The following LPAR1 variants were observed in gnomAD, a reference collection of about 807,000 sequenced individuals.
LPAR1 encodes lysophosphatidic acid receptor 1, also known as LPA receptor 1.
LPAR1 carries 5 observed loss-of-function variants against 23.8 expected under a neutral mutation model. The ratio of observed to expected loss-of-function variants is 0.21; its 90% confidence interval spans 0.11 to 0.44. The LOEUF (loss-of-function observed/expected upper bound fraction) is 0.44, where lower values mean the gene tolerates loss of function less well. LPAR1 is among the 20% of genes least tolerant of loss of function. The probability of loss-of-function intolerance (pLI) is 0.99; values close to 1 mark genes in which losing one functional copy is unlikely to be tolerated. For missense variants in LPAR1, 311 were observed against 482.8 expected (o/e 0.64, Z 3.33); for synonymous variants, 160 against 164.7 (o/e 0.97, Z 0.22).
chr9:110,968,160 T>C (rs777774626), intron 4 of LPAR1, among the ~76,000 whole-genome samples: 2 of 152,224 alleles, frequency 1.3e-5, no homozygotes, highest in Non-Finnish European at 2.9e-5. Flanking sequence ...AATTCATTAA[T>C]ACGGTTTGAA....
At chr9:111,019,435 C>T (rs2097519180) in intron 2 of LPAR1, among the ~76,000 whole-genome samples, 1 of 152,128 alleles carries the variant, frequency 6.6e-6, no homozygotes, top group African/African-American at 2.4e-5. Flanking sequence ...CTGAGTCATT[C>T]TGCCACTAAA....
chr9:111,026,503 A>T (rs1463035485), intron 2 of LPAR1, among the ~76,000 whole-genome samples: 2 of 152,114 alleles, frequency 1.3e-5, no homozygotes, highest in Non-Finnish European at 2.9e-5. Context: ...CTCTTCCTGT[A>T]TGAATATCCT....
chr9:110,906,624 TTA>T (rs2091294238), intron 5 of LPAR1, among the ~76,000 whole-genome samples: 1 of 152,180 alleles, frequency 6.6e-6, no homozygotes, highest in Admixed American at 6.5e-5. Flanking sequence ...GGTTTGACTC[TTA>T]CACTTAGGGA....
upstream of LPAR1, chr9:111,038,832 G>T (rs1417556312): frequency 2.5e-5 from 8 of 320,334 alleles, no homozygotes; most frequent in Admixed American, 2.1e-4. The surrounding 1 kb of genome is among the most constrained non-coding windows in gnomAD (Gnocchi z 4.4). Context: ...ACCCGTGGCC[G>T]CCAGCTCGGG....
intron 2 of LPAR1, among the ~76,000 whole-genome samples, chr9:111,026,044 GT>G (rs1460034624): frequency 6.6e-6 from 1 of 152,142 alleles, no homozygotes; most frequent in Admixed American, 6.5e-5. Flanking sequence ...ATTTGAAGTA[GT>G]TTTTTCTAAT....
At chr9:110,950,463 T>TAAA (rs56274036) in intron 4 of LPAR1, among the ~76,000 whole-genome samples, 3 of 122,026 alleles carry the variant, frequency 2.5e-5, no homozygotes, top group Non-Finnish European at 3.5e-5. Flanking sequence ...AGACTCTGTC[T>TAAA]AAAAAAAAAA....
chr9:110,898,400 A>G (rs1386260109), intron 5 of LPAR1, among the ~76,000 whole-genome samples: 3 of 152,218 alleles, frequency 2.0e-5, no homozygotes, highest in Non-Finnish European at 4.4e-5. Flanking sequence ...AGAAACATGA[A>G]TTTAAATCTA....
chr9:110,944,296 C>T (rs977054890), intron 4 of LPAR1, among the ~76,000 whole-genome samples: 6 of 152,150 alleles, frequency 3.9e-5, no homozygotes, highest in East Asian at 1.9e-4. Context: ...ACCCTATAAA[C>T]GCAGAGATTC....
chr9:110,968,474 A>C (rs1249129970), intron 4 of LPAR1, among the ~76,000 whole-genome samples: 3 of 152,148 alleles, frequency 2.0e-5, no homozygotes, highest in Non-Finnish European at 4.4e-5. Context: ...GGGACACTTG[A>C]CATTCACCTA....
chr9:110,989,304 C>T (rs1375679458), intron 2 of LPAR1, among the ~76,000 whole-genome samples: 1 of 152,160 alleles, frequency 6.6e-6, no homozygotes, highest in East Asian at 1.9e-4. Flanking sequence ...CTGTCTCTGC[C>T]TCCTGAATAG....
intron 2 of LPAR1, among the ~76,000 whole-genome samples, chr9:111,015,483 T>A (rs1359075003): frequency 6.6e-6 from 1 of 152,090 alleles, no homozygotes; most frequent in Admixed American, 6.6e-5. Context: ...ATAGGTAGAA[T>A]CTTAAAAAGT....
chr9:110,979,174 T>TAC (rs1166293095), intron 2 of LPAR1, among the ~76,000 whole-genome samples: 2 of 152,038 alleles, frequency 1.3e-5, no homozygotes, highest in Admixed American at 6.6e-5. Flanking sequence ...AATATATATA[T>TAC]ACTCAAAACA....
chr9:111,017,152 C>T (rs1003486116), intron 2 of LPAR1, among the ~76,000 whole-genome samples: 12 of 152,104 alleles, frequency 7.9e-5, no homozygotes, highest in South Asian at 6.2e-4. Flanking sequence ...CAGCAAAATG[C>T]GTGGCCCTTT....
chr9:111,005,546 C>CAAAAAAAAAAAAAAAA (rs60143050), intron 2 of LPAR1, among the ~76,000 whole-genome samples: 1 of 70,340 alleles, frequency 1.4e-5, no homozygotes, highest in African/African-American at 7.4e-5. Context: ...GACCCTGTCT[C>CAAAAAAAAAAAAAAAA]AAAAAAAAAA....
chr9:111,007,527 T>C (rs190795163), intron 2 of LPAR1, among the ~76,000 whole-genome samples: 59 of 152,252 alleles, frequency 3.9e-4, no homozygotes, highest in Non-Finnish European at 5.9e-4. Flanking sequence ...AAGAAAAAAT[T>C]GTGCCTAACT....
intron 5 of LPAR1, among the ~76,000 whole-genome samples, chr9:110,910,417 CT>C (rs1472391947): frequency 1.3e-5 from 2 of 152,308 alleles, no homozygotes; most frequent in African/African-American, 4.8e-5. Context: ...CAAAATATTA[CT>C]GCTCATTGAC....
intron 5 of LPAR1, among the ~76,000 whole-genome samples, chr9:110,888,999 G>A (rs546087645): frequency 2.4e-4 from 36 of 152,320 alleles, no homozygotes; most frequent in African/African-American, 8.4e-4. Flanking sequence ...ACAACTCTTT[G>A]AAGCAGTTTC....
chr9:110,921,837 T>A (rs904380855), intron 5 of LPAR1, among the ~76,000 whole-genome samples: 11 of 152,228 alleles, frequency 7.2e-5, no homozygotes, highest in African/African-American at 2.4e-4. Flanking sequence ...ATGAAAGGCA[T>A]GCCATTAGGG....
intron 2 of LPAR1, among the ~76,000 whole-genome samples, chr9:111,028,878 G>A (rs924878239): frequency 2.0e-5 from 3 of 151,948 alleles, no homozygotes; most frequent in Admixed American, 6.5e-5. Flanking sequence ...TCCCCCAGAC[G>A]TCAAATCACC....
Sources: gnomAD v4.1 joint callset for allele counts (sites outside exome capture counted in the v4.1 genomes callset) on GRCh38, gnomAD v4.1.1 for gene constraint, Gnocchi (gnomAD v3.1) non-coding constraint, MANE v1.5 for transcripts, NCBI Gene and HGNC (gene_info 2026-07-23, HGNC 2026-07-21) for gene names.